The following SNX8 variants were observed in gnomAD, a reference collection of about 807,000 sequenced individuals.
SNX8 encodes the protein sorting nexin 8.
In SNX8, 25 loss-of-function variants were observed where a neutral mutation model predicts 51.6. The observed-to-expected ratio is 0.48, with a 90% CI of 0.35 to 0.68. The LOEUF (loss-of-function observed/expected upper bound fraction) is 0.68. Ranked by LOEUF, SNX8 falls within the 30% of genes least tolerant of loss-of-function variation. The pLI, the probability that SNX8 is intolerant of heterozygous loss-of-function variation, is 0.00. For synonymous variants in SNX8, 324 were observed against 277.0 expected (o/e 1.17, Z -1.68); for missense variants, 695 against 624.0 (o/e 1.11, Z -1.21).
Position 2,275,125 on chromosome 7 carries a change from C to T in SNX8, c.405G>A (p.Lys135=). ...GCCTGGCTTTACCTCCCAGCATTCTCTTGGGTGGCAGGGCAGGCACCATAC... is the reference window on the plus strand; with the variant it reads ...GCCTGGCTTTACCTCCCAGCATTCTTTTGGGTGGCAGGGCAGGCACCATAC... The part of the protein sequence containing the change: ...PYRMVPALPP[K]RMLGADREFI... Residue 135 remains lysine (K), a synonymous_variant, in exon 3 of 11, where the codon AAG becomes AAA. Coordinates refer to ENST00000222990, the MANE Select transcript of SNX8 (RefSeq NM_013321.4). 6.2e-7 allele frequency: 1 copy of T among 1,612,506 alleles called. No homozygotes were observed. The highest frequency in any genetic ancestry group is 1.1e-5 in the South Asian group (1 of 91,046).
At chr7:2,285,263 C>T (rs1796001689) in intron 1 of SNX8, among the ~76,000 whole-genome samples, 1 of 150,726 alleles carries the variant, frequency 6.6e-6, no homozygotes, top group Admixed American at 6.6e-5. Context: ...GTGGCGGGCG[C>T]CTGTAGTCCC....
At chr7:2,300,738 G>A (rs2115183796) in intron 1 of SNX8, among the ~76,000 whole-genome samples, 1 of 152,176 alleles carries the variant, frequency 6.6e-6, no homozygotes, top group Middle Eastern at 3.4e-3. Flanking sequence ...CACCTCCTGG[G>A]TTCAAATGAT....
At chr7:2,269,740 G>T in intron 4 of SNX8, 101 bp from the exon 5 acceptor site, 1 of 671,122 alleles carries the variant, frequency 1.5e-6, no homozygotes, top group Non-Finnish European at 2.6e-6. Flanking sequence ...CTTTCCTCAG[G>T]AGAAACACAT....
chr7:2,334,077 T>C (rs1038090802), intron 1 of SNX8, among the ~76,000 whole-genome samples: 2 of 151,474 alleles, frequency 1.3e-5, no homozygotes, highest in Non-Finnish European at 2.9e-5. Context: ...CCAGACCAGA[T>C]TGGGCAACAT....
At chr7:2,300,114 T>C (rs1436599959) in intron 1 of SNX8, among the ~76,000 whole-genome samples, 1 of 152,110 alleles carries the variant, frequency 6.6e-6, no homozygotes, top group East Asian at 1.9e-4. Flanking sequence ...AGTCAGTTTT[T>C]CCCCCACGGC....
intron 1 of SNX8, among the ~76,000 whole-genome samples, chr7:2,310,661 G>A (rs1482661883): frequency 1.3e-5 from 2 of 152,114 alleles, no homozygotes; most frequent in Non-Finnish European, 2.9e-5. Context: ...CAGCTACTCA[G>A]GAGGCTGAGG....
rs778255441 is a variant in SNX8, at chr7:2,275,178, C to T, written c.352G>A (p.Glu118Lys). The change falls in exon 3 of 11, where the codon GAG becomes AAG. Residue 118 changes from glutamate to lysine, a missense_variant. Transcript: ENST00000222990. ...RRYNDFVVFQ[E>K]MLLHKFPYRM... ...TAGGGGAACTTGTGCAGGAGCATCT[C>T]CTGGAAGACCACGAAGTCATTGTAC... 6.2e-7 allele frequency: 1 copy of T among 1,614,178 alleles called. No individual in the cohort carries two copies. The highest frequency in any genetic ancestry group is 8.5e-7 in the Non-Finnish European group (1 of 1,180,010).
At chr7:2,314,301 G>A (rs2115214627) in intron 1 of SNX8, 27 bp downstream of exon 1, 2 of 1,219,470 alleles carry the variant, frequency 1.6e-6, no homozygotes, top group Non-Finnish European at 2.0e-6. Flanking sequence ...CTGGGCAGGT[G>A]GGGGCTACCG....
chr7:2,300,911 G>A (rs573570372), intron 1 of SNX8, among the ~76,000 whole-genome samples: 2 of 152,208 alleles, frequency 1.3e-5, no homozygotes, highest in East Asian at 1.9e-4. Flanking sequence ...CCAAAGTGCT[G>A]GGATTACAGG....
intron 1 of SNX8, among the ~76,000 whole-genome samples, chr7:2,304,814 T>C (rs1350804933): frequency 6.6e-6 from 1 of 152,104 alleles, no homozygotes; most frequent in Non-Finnish European, 1.5e-5. Flanking sequence ...TCAAATCTCC[T>C]TTTGGTGCAA....
At chr7:2,354,112 G>A (rs1009256085) in intron 1 of SNX8, 1 of 152,002 alleles carries the variant, frequency 6.6e-6, no homozygotes, top group Non-Finnish European at 1.5e-5. Context: ...CGCGCTGAAG[G>A]CGGCGGCCTC....
At chr7:2,318,579 C>A (rs1452151607), upstream of SNX8, among the ~76,000 whole-genome samples, 1 of 151,738 alleles carries the variant, frequency 6.6e-6, no homozygotes, top group Non-Finnish European at 1.5e-5. Context: ...GCCTGTAATC[C>A]CAGCTACTCG....
At chr7:2,284,434 C>T (rs528884929) in intron 1 of SNX8, among the ~76,000 whole-genome samples, 27 of 121,928 alleles carry the variant, frequency 2.2e-4, no homozygotes, top group South Asian at 8.3e-4. Context: ...CAGAGTCTCA[C>T]TCTGTTGCCC....
At chr7:2,302,789 C>T (rs1796431695) in intron 1 of SNX8, among the ~76,000 whole-genome samples, 1 of 151,808 alleles carries the variant, frequency 6.6e-6, no homozygotes, top group Non-Finnish European at 1.5e-5. Context: ...CTCTGCCCGG[C>T]CGCGACCTCG....
rs538386467 is a variant in SNX8, at chr7:2,290,977, G to C, written c.95-12672C>G. On this transcript the variant is annotated intron_variant, in intron 1 of 10. Coordinates refer to ENST00000222990, the MANE Select transcript of SNX8 (RefSeq NM_013321.4). ...TTGCTGTCTTCCTGCAATGGTCTCA[G>C]TGTTTCTACCTTGAAGCAAAGTATA... Among the ~76,000 whole-genome samples, 4 of 152,352 alleles carry C rather than the reference G, an allele frequency of 2.6e-5. No individual in the cohort carries two copies. In the South Asian group the frequency reaches 8.3e-4, roughly 32 times the overall value.
chr7:2,352,483 C>G lies in SNX8; in HGVS notation c.-66+1739G>C, dbSNP rs934588951. ...ATGACAATATATTGTTATAATTGTT[C>G]TATTAGTTATTGCTGTTAATCTCTT... is the stretch of plus-strand genomic sequence containing the variant. On this transcript the variant is annotated intron_variant, in intron 1 of 5. Coordinates refer to the SNX8 transcript ENST00000435336. 2.6e-5 allele frequency among the ~76,000 whole-genome samples: 4 copies of G among 152,156 alleles called. No homozygotes were observed. The East Asian group carries it at 7.7e-4, about 29-fold the overall frequency.
intron 1 of SNX8, among the ~76,000 whole-genome samples, chr7:2,346,994 C>G (rs1297705861): frequency 1.3e-5 from 2 of 151,622 alleles, no homozygotes; most frequent in African/African-American, 4.8e-5. Context: ...ATGCCTCACT[C>G]CTCTACATTT....
chr7:2,254,866 A>G lies in SNX8; in HGVS notation c.*190T>C. On this transcript the variant is annotated 3_prime_UTR_variant, in exon 11 of 11. Coordinates refer to ENST00000222990, the MANE Select transcript of SNX8 (RefSeq NM_013321.4). ...GCTAGCAGGCCACAGGGCGAAGGAC[A>G]GTGTGGCCCAGCTGCCCCCATGGTC... 1 of 614,396 alleles carries G rather than the reference A, an allele frequency of 1.6e-6. No homozygotes were observed. The highest frequency in any genetic ancestry group is 2.9e-6 in the Non-Finnish European group (1 of 339,470). The allele number at this position is 614,396 out of a possible 1,614,324, so 38.1% of individuals were successfully genotyped here. A position where few individuals can be genotyped will look rare whatever the true frequency, so the allele number is the denominator to read the frequency against.
At chr7:2,346,908 T>C (rs1374354100) in intron 1 of SNX8, among the ~76,000 whole-genome samples, 4 of 127,150 alleles carry the variant, frequency 3.1e-5, no homozygotes, top group Non-Finnish European at 6.4e-5. Flanking sequence ...CGACAGAGAT[T>C]GAGACTCCGT....
Sources: allele counts gnomAD v4.1 joint callset (sites outside exome capture counted in the v4.1 genomes callset), GRCh38; gene constraint gnomAD v4.1.1; transcripts MANE v1.5; gene names NCBI Gene and HGNC (gene_info 2026-07-23, HGNC 2026-07-21).